Variants in CACNA1A observed in about 807,000 individuals in gnomAD.
CACNA1A encodes the protein calcium voltage-gated channel subunit alpha1 A, also known as voltage-dependent P/Q-type calcium channel subunit alpha-1A.
Under a neutral mutation model 262.4 loss-of-function variants are expected in CACNA1A, and 57 were observed. The observed-to-expected ratio is 0.22, with a 90% CI of 0.18 to 0.27. The LOEUF (loss-of-function observed/expected upper bound fraction) is 0.27. Ranked by LOEUF, CACNA1A falls within the 10% of genes least tolerant of loss-of-function variation. CACNA1A has a pLI of 1.00. For missense variants in CACNA1A, 2,526 were observed against 3,562.8 expected (o/e 0.71, Z 7.41); for synonymous variants, 1,431 against 1,419.3 (o/e 1.01, Z -0.18).
intron 19 of CACNA1A, among the ~76,000 whole-genome samples, chr19:13,288,054 C>T (rs922906199): frequency 1.3e-5 from 2 of 151,940 alleles, no homozygotes; most frequent in African/African-American, 2.4e-5. Context: ...TCTTCCTCCT[C>T]GGCCTCCTAA....
At chr19:13,354,874 T>C (rs1220529834) in intron 6 of CACNA1A, among the ~76,000 whole-genome samples, 34 of 65,486 alleles carry the variant, frequency 5.2e-4, no homozygotes, top group East Asian at 3.1e-3. Flanking sequence ...TTTTTCTTTT[T>C]TTTTTTTTTT....
intron 3 of CACNA1A, among the ~76,000 whole-genome samples, chr19:13,380,264 CAG>C (rs1197481778): frequency 6.3e-5 from 4 of 63,136 alleles, no homozygotes; most frequent in Non-Finnish European, 1.1e-4. Flanking sequence ...AGCCTGGTGA[CAG>C]AGCAAGATGC....
At chr19:13,300,528 C>G (rs374590736) in intron 18 of CACNA1A, 22 bp downstream of exon 18, 58 of 1,538,912 alleles carry the variant, frequency 3.8e-5, no homozygotes, top group Non-Finnish European at 5.0e-5. Flanking sequence ...AGGGTAGCAT[C>G]CCAGGGATTA....
rs529194686 is a variant in CACNA1A at position 13,439,576 on chromosome 19, T to G, written c.539+13300A>C. Among the ~76,000 whole-genome samples, 242 of 151,164 alleles carry G rather than the reference T, an allele frequency of 1.6e-3. 3 individuals carry two copies. Among genetic ancestry groups the G allele is most frequent in the South Asian group, 6.1e-3 (29 of 4,754 alleles). On this transcript the variant is annotated intron_variant, in intron 3 of 46. Transcript: ENST00000360228. ...CATCATGCCTGGCTAATTTTTTTTT[T>G]TTTGTTTTGTATTTTTAGTAGAGAC...
At chr19:13,239,639 C>T (rs546713750) in intron 31 of CACNA1A, among the ~76,000 whole-genome samples, 4 of 151,930 alleles carry the variant, frequency 2.6e-5, no homozygotes, top group Non-Finnish European at 5.9e-5. Context: ...CTAAGGGCCT[C>T]ATTGGTGGGT....
chr19:13,359,827 G>A (rs765125383), intron 5 of CACNA1A, 28 bp from the exon 6 acceptor site: 117 of 1,468,590 alleles, frequency 8.0e-5, no homozygotes, highest in Middle Eastern at 7.1e-4. Flanking sequence ...AGAAAAGTCA[G>A]GGGAAGGAGC....
rs766657506 is a variant in CACNA1A at position 13,286,710 on chromosome 19, G to A, written c.3346C>T (p.Pro1116Ser). 2 of 1,592,994 alleles carry A rather than the reference G, an allele frequency of 1.3e-6. No individual in the cohort carries two copies. Among genetic ancestry groups the A allele is most frequent in the Non-Finnish European group, 1.7e-6 (2 of 1,168,562 alleles). The change falls in exon 20 of 47, where the codon CCC becomes TCC. Residue 1116 changes from proline (P) to serine (S), a missense_variant. This residue lies in a region of CACNA1A where 765 missense variants were observed against 748.6 expected (regional missense o/e 1.02). Coordinates refer to ENST00000360228, the MANE Select transcript of CACNA1A (RefSeq NM_001127222.2). ...MLAIPAMATN[P>S]QNAASRRTPN... ...GTCCGGCGGCTGGCGGCGTTCTGGG[G>A]GTTGGTGGCCATGGCAGGGATGGCC...
chr19:13,255,146 C>G lies in CACNA1A; in HGVS notation c.4704G>C (p.Glu1568Asp), dbSNP rs756160567. The G allele has an allele frequency of 6.2e-7, 1 of 1,613,938 alleles. No individual in the cohort carries two copies. The highest frequency in any genetic ancestry group is 8.5e-7 in the Non-Finnish European group (1 of 1,179,858). ...MWQFVVSPPF[E>D]YTIMAMIALN... ...GGGCGATCATGGCCATGATCGTGTA[C>G]TCGAAAGGCGGAGACACCACGAACT... The change falls in exon 29 of 47, where the codon GAG (glutamate) becomes GAC (aspartate). Residue 1568 changes from glutamate to aspartate, a missense_variant. By Grantham distance (45) the Glu-to-Asp change is conservative. Coordinates refer to ENST00000360228, the MANE Select transcript of CACNA1A (RefSeq NM_001127222.2).
At chr19:13,463,555 G>A (rs1340675497) in intron 1 of CACNA1A, among the ~76,000 whole-genome samples, 1 of 152,100 alleles carries the variant, frequency 6.6e-6, no homozygotes, top group African/African-American at 2.4e-5. Context: ...TTGCACCCAG[G>A]GATGGGAATC....
rs1330192960 is a variant in CACNA1A at position 13,285,049 on chromosome 19, T to C, written c.3692+19A>G. ...GGGAGCCCCAGGCCCCCCCTGCCCT[T>C]GCTGGGGGCCATACTCACGGGTTGG... On this transcript the variant is annotated intron_variant, in intron 21 of 46. Coordinates refer to ENST00000360228, the MANE Select transcript of CACNA1A (RefSeq NM_001127222.2). 1 of 1,613,712 alleles carries C rather than the reference T, an allele frequency of 6.2e-7. No individual in the cohort carries two copies. The highest frequency in any genetic ancestry group is 8.5e-7 in the Non-Finnish European group (1 of 1,179,682).
chr19:13,239,206 G>C (rs1009123306), intron 31 of CACNA1A, among the ~76,000 whole-genome samples: 1 of 151,776 alleles, frequency 6.6e-6, no homozygotes, highest in Non-Finnish European at 1.5e-5. Flanking sequence ...CCCGGGTCCT[G>C]TCCCCTTCTG....
intron 38 of CACNA1A, among the ~76,000 whole-genome samples, chr19:13,218,574 T>G (rs917766241): frequency 6.6e-6 from 1 of 151,878 alleles, no homozygotes; most frequent in African/African-American, 2.4e-5. Flanking sequence ...GCATTTTATG[T>G]TTTTGGAATT....
At chr19:13,413,899 GAA>G (rs1393519384) in intron 3 of CACNA1A, among the ~76,000 whole-genome samples, 3 of 32,000 alleles carry the variant, frequency 9.4e-5, no homozygotes, top group African/African-American at 1.7e-4. Context: ...GAAAGAAAAA[GAA>G]AGAAAGAAAG....
At chr19:13,320,237 C>CAAGA (rs1491121357) in intron 10 of CACNA1A, among the ~76,000 whole-genome samples, 4 of 127,150 alleles carry the variant, frequency 3.1e-5, no homozygotes, top group Admixed American at 8.2e-5. Context: ...TTCCACAGAT[C>CAAGA]GAGAGAGAGA....
chr19:13,286,534 G>T lies in CACNA1A; in HGVS notation c.3522C>A (p.Cys1174Ter). The change falls in exon 20 of 47, where the codon TGC becomes TGA. Residue 1174 changes from cysteine to a stop codon, truncating the protein, a stop_gained. Coordinates refer to ENST00000360228, the MANE Select transcript of CACNA1A (RefSeq NM_001127222.2). LOFTEE classifies it high-confidence loss of function. Reference protein sequence around the residue: ...DHTTVDIPPACPPPLNHTVVQ... With the variant: ...DHTTVDIPPA Reference sequence around the variant, plus strand: ...CGACGGTGTGGTTGAGGGGGGGTGGGCAGGCTGGGGGGATGTCCACTGTGG... The same window carrying T: ...CGACGGTGTGGTTGAGGGGGGGTGGTCAGGCTGGGGGGATGTCCACTGTGG... 3 of 1,036,056 alleles carry T rather than the reference G, an allele frequency of 2.9e-6. No homozygotes were observed. The highest frequency in any genetic ancestry group is 1.5e-5 in the South Asian group (1 of 65,980). The allele number at this position is 1,036,056 out of a possible 1,614,324, so 64.2% of individuals were successfully genotyped here.
intron 3 of CACNA1A, among the ~76,000 whole-genome samples, chr19:13,435,819 C>G (rs1189674577): frequency 1.3e-5 from 2 of 151,866 alleles, no homozygotes; most frequent in Non-Finnish European, 2.9e-5. Context: ...CAAGGCTTTA[C>G]TTGTTTTTGT....
chr19:13,376,617 T>C (rs2059409458), intron 3 of CACNA1A, among the ~76,000 whole-genome samples: 1 of 148,250 alleles, frequency 6.7e-6, no homozygotes, highest in South Asian at 2.1e-4. Context: ...ATATGTTATA[T>C]ATAACACACT....
At position 13,368,962 on chromosome 19, in the gene CACNA1A, C is replaced by T. The variant is rs1487256181; in HGVS notation, c.631+2726G>A. On this transcript the variant is annotated intron_variant, in intron 4 of 46. Transcript: ENST00000360228. The stretch of plus-strand genomic sequence containing the variant: ...CTGAGGCAGGAGAATGGCGTGAACC[C>T]GGGAGGCGGAGCTTGCAGTGAGCCG... Among the ~76,000 whole-genome samples, 6 of 126,066 alleles carry T rather than the reference C, an allele frequency of 4.8e-5. 1 individual carries two copies. The highest frequency in any genetic ancestry group is 2.3e-4 in the South Asian group (1 of 4,302). 82.7% of individuals were successfully genotyped at this position (126,066 alleles called of 152,430 possible).
chr19:13,332,767 G>C, intron 9 of CACNA1A, 102 bp downstream of exon 9: 1 of 687,066 alleles, frequency 1.5e-6, no homozygotes, highest in Non-Finnish European at 2.6e-6. Context: ...TCTACCCTCT[G>C]CAAGATCCTT....
Sources: gnomAD v4.1 joint callset for allele counts (sites outside exome capture counted in the v4.1 genomes callset) on GRCh38, gnomAD v4.1.1 for gene constraint, gnomAD v4.1.1 regional missense constraint, MANE v1.5 for transcripts, NCBI Gene and HGNC (gene_info 2026-07-23, HGNC 2026-07-21) for gene names.